Variants in DYNC2I1 observed in about 807,000 individuals in gnomAD.
The protein encoded by DYNC2I1 is dynein 2 intermediate chain 1, also known as cytoplasmic dynein 2 intermediate chain 1.
In DYNC2I1, 89 loss-of-function variants were observed where a neutral mutation model predicts 133.4. The observed-to-expected ratio is 0.67, with a 90% confidence interval of 0.56 to 0.80. The LOEUF is 0.80. DYNC2I1 is among the 30% of genes least tolerant of loss of function. DYNC2I1 has a pLI of 0.00. For missense variants in DYNC2I1, 1,291 were observed against 1,314.5 expected, an observed-to-expected ratio of 0.98 and a Z score of 0.28; for synonymous variants, 504 against 484.3, an observed-to-expected ratio of 1.04 and a Z score of -0.54.
At chr7:158,904,652 G>C (rs1465646607) in intron 10 of DYNC2I1, 1 of 152,738 alleles carries the variant, frequency 6.5e-6, no homozygotes, top group Non-Finnish European at 1.5e-5. Flanking sequence ...TGTCTGTGTG[G>C]TGCTTTCTAA....
the DYNC2I1 span, among the ~76,000 whole-genome samples, chr7:158,840,780 G>A: frequency 4.6e-5 from 7 of 152,082 alleles, no homozygotes; most frequent in Non-Finnish European, 7.4e-5. Context: ...TGGGCCTCTC[G>A]GCCTGTTGTG....
At chr7:158,957,149 T>C (rs1852219412), downstream of DYNC2I1, among the ~76,000 whole-genome samples, 1 of 152,266 alleles carries the variant, frequency 6.6e-6, no homozygotes, top group African/African-American at 2.4e-5. Flanking sequence ...CCACCTTCTC[T>C]AAATCTAAGA....
chr7:158,867,166 G>C (rs1221986403), intron 1 of DYNC2I1, among the ~76,000 whole-genome samples: 1 of 152,120 alleles, frequency 6.6e-6, no homozygotes, highest in Non-Finnish European at 1.5e-5. Flanking sequence ...GCTGAGGTTA[G>C]GTTTATCATT....
At position 158,902,531 on chromosome 7, in the gene DYNC2I1, C is replaced by T. The variant is rs369015842; in HGVS notation, c.1293C>T (p.Gly431=). Residue 431 remains glycine, a synonymous_variant, in exon 10 of 25, where the codon GGC becomes GGT. Coordinates refer to ENST00000407559, the MANE Select transcript of DYNC2I1 (RefSeq NM_018051.5). ...TTAATGCAGAAAATGAAAGGATTGG[C>T]GAGTTATCTTTGAAACTGTTTCAGA... ...RAINAENERI[G]ELSLKLFQKR... is the part of the protein sequence containing the mutation. 62 of 1,613,848 alleles carry T rather than the reference C, an allele frequency of 3.8e-5. No individual in the cohort carries two copies. The highest frequency in any genetic ancestry group is 1.6e-4 in the Middle Eastern group (1 of 6,084).
chr7:158,859,203 CTG>C (rs1360271025), intron 1 of DYNC2I1, among the ~76,000 whole-genome samples: 3 of 151,230 alleles, frequency 2.0e-5, no homozygotes, highest in East Asian at 2.0e-4. Context: ...GGGAAGAAAA[CTG>C]TATGCCCTAA....
chr7:158,951,919 C>T (rs978502008), intron 4 of DYNC2I1, among the ~76,000 whole-genome samples: 5 of 152,162 alleles, frequency 3.3e-5, no homozygotes, highest in Admixed American at 1.3e-4. Context: ...CTGGAGCCTC[C>T]GTGTTGACAC....
At chr7:158,862,572 A>AG in intron 1 of DYNC2I1, among the ~76,000 whole-genome samples, 1 of 148,956 alleles carries the variant, frequency 6.7e-6, no homozygotes, top group African/African-American at 2.5e-5. Context: ...AAAAAAAAAA[A>AG]GCCTGGGCAT....
intron 13 of DYNC2I1, among the ~76,000 whole-genome samples, chr7:158,913,462 A>G (rs1292077748): frequency 6.6e-6 from 1 of 152,252 alleles, no homozygotes; most frequent in Non-Finnish European, 1.5e-5. Context: ...ATGAATATAG[A>G]ATTTTTATGT....
rs538953868 is a variant in DYNC2I1 at position 158,871,826 on chromosome 7, G to A, written c.490+264G>A. ...ACTGGCATTACAGACATGCCACTGT[G>A]CCCAGCTGGCTCTATTTCTTTTAAA... is the stretch of plus-strand genomic sequence containing the variant. On this transcript the variant is annotated intron_variant, in intron 3 of 24. Coordinates refer to ENST00000407559, the MANE Select transcript of DYNC2I1 (RefSeq NM_018051.5). Among the ~76,000 whole-genome samples, 7 of 152,272 alleles carry A rather than the reference G, an allele frequency of 4.6e-5. No individual in the cohort carries two copies. The South Asian group carries it at 1.5e-3, about 32-fold the overall frequency.
intron 14 of DYNC2I1, among the ~76,000 whole-genome samples, chr7:158,915,610 C>T (rs1323589706): frequency 1.7e-4 from 24 of 141,132 alleles, no homozygotes; most frequent in Non-Finnish European, 2.6e-4. Flanking sequence ...GATTGTGAAA[C>T]ATCGACACGC....
intron 9 of DYNC2I1, among the ~76,000 whole-genome samples, chr7:158,902,168 T>C (rs1394166440): frequency 6.6e-6 from 1 of 152,254 alleles, no homozygotes; most frequent in Admixed American, 6.5e-5. Flanking sequence ...TTCTGTATTG[T>C]GTGATTTATT....
intron 15 of DYNC2I1, among the ~76,000 whole-genome samples, chr7:158,921,415 A>G (rs1849075483): frequency 6.6e-6 from 1 of 152,116 alleles, no homozygotes; most frequent in South Asian, 2.1e-4. Flanking sequence ...ACGTTCCTAA[A>G]AATCGCTACA....
chr7:158,854,696 T>A (rs556569149), upstream of DYNC2I1, among the ~76,000 whole-genome samples: 11 of 152,266 alleles, frequency 7.2e-5, no homozygotes, highest in South Asian at 1.5e-3. Flanking sequence ...TATCTTTCTT[T>A]CAAAGTTAAA....
chr7:158,886,552 T>G (rs960078232), intron 6 of DYNC2I1, among the ~76,000 whole-genome samples: 1 of 152,226 alleles, frequency 6.6e-6, no homozygotes, highest in African/African-American at 2.4e-5. Flanking sequence ...CTAGGAAGAC[T>G]TTAACATTTA....
intron 2 of DYNC2I1, among the ~76,000 whole-genome samples, chr7:158,870,415 G>A (rs577210820): frequency 4.6e-5 from 7 of 152,052 alleles, no homozygotes; most frequent in Admixed American, 3.3e-4. Flanking sequence ...GTGCAGTGGC[G>A]AAATCATAGC....
chr7:158,923,519 G>C, intron 16 of DYNC2I1, 52 bp from the exon 17 acceptor site: 1 of 1,613,354 alleles, frequency 6.2e-7, no homozygotes, highest in South Asian at 1.1e-5. Context: ...GCTTGTGTTA[G>C]CATGCTTCTC....
At chr7:158,926,598 T>A in intron 19 of DYNC2I1, 135 bp downstream of exon 19, 1 of 1,017,300 alleles carries the variant, frequency 9.8e-7, no homozygotes, top group South Asian at 1.5e-5. Flanking sequence ...GGCTTCTTGG[T>A]CCTGAGCAGA....
At chr7:158,897,010 G>C (rs1845821848) in intron 8 of DYNC2I1, among the ~76,000 whole-genome samples, 2 of 145,736 alleles carry the variant, frequency 1.4e-5, no homozygotes, top group Admixed American at 6.9e-5. Context: ...TTGAGACAGA[G>C]TCTCTCTCTG....
In DYNC2I1 at chr7:158,906,102, T is replaced by C; in HGVS notation, c.1460+11T>C. Reference sequence around the variant, plus strand: ...GGCCCTTAAGCAAAAGTAGGTGTATTGGGAAAGCAGCCAAAGGTGTTCAGG... The same window carrying C: ...GGCCCTTAAGCAAAAGTAGGTGTATCGGGAAAGCAGCCAAAGGTGTTCAGG... On this transcript the variant is annotated intron_variant, in intron 11 of 24. Transcript: ENST00000407559. 1 of 1,609,356 alleles carries C rather than the reference T, an allele frequency of 6.2e-7. No individual in the cohort carries two copies. Among genetic ancestry groups the C allele is most frequent in the Non-Finnish European group, 8.5e-7 (1 of 1,176,454 alleles).
Sources: allele counts gnomAD v4.1 joint callset (sites outside exome capture counted in the v4.1 genomes callset), GRCh38; gene constraint gnomAD v4.1.1; transcripts MANE v1.5; gene names NCBI Gene and HGNC (gene_info 2026-07-23, HGNC 2026-07-21).